Variants in CCDC146 observed in about 807,000 individuals in gnomAD.
CCDC146 encodes coiled-coil domain-containing protein 146.
A neutral mutation model predicts 119.3 loss-of-function variants in CCDC146; 92 were observed. The ratio of observed to expected loss-of-function variants is 0.77; its 90% CI spans 0.65 to 0.92. CCDC146 has a LOEUF of 0.92. Ranked by LOEUF, CCDC146 falls within the 40% of genes least tolerant of loss-of-function variation. The probability of loss-of-function intolerance (pLI) is 0.00; values close to 1 mark genes in which losing one functional copy is unlikely to be tolerated. For synonymous variants in CCDC146, 372 were observed against 371.8 expected (o/e 1.00, Z -0.01); for missense variants, 1,000 against 1,103.0 (o/e 0.91, Z 1.32).
rs542257371 is a variant in CCDC146, at chr7:77,220,380, G to A, written c.157-16567G>A. On this transcript the variant is annotated intron_variant, in intron 2 of 18. Coordinates refer to ENST00000285871, the MANE Select transcript of CCDC146 (RefSeq NM_020879.3). ...TATTCTTTTAGGATGCCCAGATTTC[G>A]TATTGTTCAAACACACATGTTTTAC... is the stretch of plus-strand genomic sequence containing the variant. Among the ~76,000 whole-genome samples the A allele has an allele frequency of 2.0e-3, 304 of 152,194 alleles. 7 individuals are homozygous for A. The highest frequency in any genetic ancestry group is 5.9e-4 in the Non-Finnish European group (40 of 68,008).
intron 1 of CCDC146, 76 bp from the exon 2 acceptor site, chr7:77,167,582 T>C: frequency 8.9e-7 from 1 of 1,118,652 alleles, no homozygotes; most frequent in Non-Finnish European, 1.2e-6. Context: ...TTGTTTATTT[T>C]TATTATTTTC....
intron 17 of CCDC146, among the ~76,000 whole-genome samples, chr7:77,292,627 A>AG (rs1793970471): frequency 6.6e-6 from 1 of 151,692 alleles, no homozygotes; most frequent in African/African-American, 2.4e-5. Flanking sequence ...AAAAAAAAAA[A>AG]AAAAAAAAGA....
intron 4 of CCDC146, chr7:77,242,274 G>T (rs141054883): frequency 5.7e-6 from 3 of 526,718 alleles, no homozygotes; most frequent in Non-Finnish European, 7.6e-6. Flanking sequence ...TGCATGGTGA[G>T]CACTTCTCCC....
Position 77,273,723 on chromosome 7 carries a change from A to C in CCDC146, c.1203A>C (p.Thr401=), listed in dbSNP as rs894906658. The part of the protein sequence containing the change: ...EMEAIPKDDS[T]LSERRRELHK... ...AAGCTATCCCCAAAGATGATTCTAC[A>C]TTATCTGAGAGAAGGCGAGAGCTTC... The change falls in exon 10 of 19, where the codon ACA becomes ACC. Residue 401 remains threonine, a synonymous_variant. Transcript: ENST00000285871. 6.2e-7 allele frequency: 1 copy of C among 1,611,074 alleles called. No individual in the cohort carries two copies. Among genetic ancestry groups the C allele is most frequent in the Admixed American group, 1.7e-5 (1 of 59,872 alleles).
chr7:77,145,173 C>A (rs929380793), intron 1 of CCDC146, among the ~76,000 whole-genome samples: 3 of 151,800 alleles, frequency 2.0e-5, no homozygotes, highest in African/African-American at 7.3e-5. Flanking sequence ...AGGAATTTAT[C>A]CATTTCTTCT....
At chr7:77,138,706 G>T (rs1413905370) in intron 1 of CCDC146, among the ~76,000 whole-genome samples, 2 of 152,040 alleles carry the variant, frequency 1.3e-5, no homozygotes, top group African/African-American at 2.4e-5. Flanking sequence ...TTAAAAACGG[G>T]CCAAAGACCT....
intron 1 of CCDC146, among the ~76,000 whole-genome samples, chr7:77,134,108 A>G (rs10268813): frequency 0.037 from 5,590 of 152,050 alleles, 341 homozygotes; most frequent in African/African-American, 0.13. Context: ...TGCAATCTGC[A>G]TTTGGTTGTG....
intron 2 of CCDC146, among the ~76,000 whole-genome samples, chr7:77,227,447 A>G (rs1792535887): frequency 1.3e-5 from 2 of 152,156 alleles, no homozygotes; most frequent in South Asian, 4.1e-4. Context: ...CTGGGACTAC[A>G]GGTGCCTGCC....
chr7:77,234,448 A>G lies in CCDC146; in HGVS notation c.157-2499A>G, dbSNP rs939954794. 2.6e-5 allele frequency among the ~76,000 whole-genome samples: 4 copies of G among 152,318 alleles called. No individual in the cohort carries two copies. The East Asian group carries it at 5.8e-4, about 22-fold the overall frequency. ...AGCAACTCAACAGTTAAAAAGTTACAAATAGACCGGGCGCAGTGGCTCACG... is the reference window on the plus strand; with the variant it reads ...AGCAACTCAACAGTTAAAAAGTTACGAATAGACCGGGCGCAGTGGCTCACG... On this transcript the variant is annotated intron_variant, in intron 2 of 18. Transcript: ENST00000285871.
chr7:77,282,358 G>T (rs1793779779), intron 14 of CCDC146, 199 bp from the exon 15 acceptor site: 1 of 509,180 alleles, frequency 2.0e-6, no homozygotes, highest in East Asian at 3.1e-5. Flanking sequence ...AAGTTGAGAG[G>T]CTCAGTAACC....
Position 77,286,784 on chromosome 7 carries a change from T to A in CCDC146, c.2149-14T>A. On this transcript the variant is annotated splice_polypyrimidine_tract_variant and intron_variant, in intron 15 of 18. Transcript: ENST00000285871. ...AGAGCGTTCATTTTAAAGTTAATGT[T>A]TTTTTCTTAATAGTTTTCACAGTGT... 6.2e-7 allele frequency: 1 copy of A among 1,611,590 alleles called. No homozygotes were observed.
intron 2 of CCDC146, among the ~76,000 whole-genome samples, chr7:77,168,119 C>A (rs1454092573): frequency 6.6e-6 from 1 of 152,090 alleles, no homozygotes; most frequent in East Asian, 1.9e-4. Context: ...AAGAAGATTT[C>A]TTTTATTATT....
intron 1 of CCDC146, among the ~76,000 whole-genome samples, chr7:77,139,905 CTTT>C (rs1257158391): frequency 1.4e-5 from 2 of 143,148 alleles, no homozygotes; most frequent in Non-Finnish European, 3.0e-5. Flanking sequence ...ATTTCTTTTT[CTTT>C]TTTTTTTTTG....
intron 2 of CCDC146, among the ~76,000 whole-genome samples, chr7:77,190,366 A>G (rs1352620367): frequency 6.6e-6 from 1 of 152,336 alleles, no homozygotes; most frequent in South Asian, 2.1e-4. Context: ...GTCTCTCTCT[A>G]CATGTCTTCT....
chr7:77,129,454 GA>G (rs1332356701), intron 1 of CCDC146, among the ~76,000 whole-genome samples: 1 of 151,904 alleles, frequency 6.6e-6, no homozygotes, highest in Non-Finnish European at 1.5e-5. Flanking sequence ...AATAAGGAAA[GA>G]AAAAAACTAT....
At chr7:77,163,380 A>G (rs556443791) in intron 1 of CCDC146, among the ~76,000 whole-genome samples, 21 of 152,250 alleles carry the variant, frequency 1.4e-4, no homozygotes, top group Admixed American at 3.3e-4. Context: ...CCTGGGAGGC[A>G]GAGGTTATAG....
At chr7:77,245,495 T>C (rs181540149) in intron 4 of CCDC146, among the ~76,000 whole-genome samples, 46 of 152,192 alleles carry the variant, frequency 3.0e-4, no homozygotes, top group African/African-American at 8.7e-4. Flanking sequence ...TCTTGGTCAG[T>C]TGGGGGAAAC....
At chr7:77,235,090 T>TTAAA (rs1412905501) in intron 2 of CCDC146, among the ~76,000 whole-genome samples, 1 of 152,158 alleles carries the variant, frequency 6.6e-6, no homozygotes, top group Non-Finnish European at 1.5e-5. Flanking sequence ...TATAAGCAAT[T>TTAAA]TACCTAGCAC....
intron 17 of CCDC146, among the ~76,000 whole-genome samples, chr7:77,288,057 G>A (rs925187437): frequency 6.6e-6 from 1 of 152,154 alleles, no homozygotes; most frequent in Non-Finnish European, 1.5e-5. Flanking sequence ...CACCACTAGT[G>A]AGGAAAGGCC....
Sources: allele counts gnomAD v4.1 joint callset (sites outside exome capture counted in the v4.1 genomes callset), GRCh38; gene constraint gnomAD v4.1.1; transcripts MANE v1.5; gene names NCBI Gene and HGNC (gene_info 2026-07-23, HGNC 2026-07-21).